Variants in OSBPL9 observed in about 807,000 individuals in gnomAD.
OSBPL9 encodes the protein oxysterol-binding protein-related protein 9.
Under a neutral mutation model 106.6 loss-of-function variants are expected in OSBPL9, and 40 were observed. The ratio of observed to expected loss-of-function variants is 0.38; its 90% CI spans 0.29 to 0.49. The LOEUF is 0.49. Ranked by LOEUF, OSBPL9 falls within the 20% of genes least tolerant of loss-of-function variation. The pLI is 0.97. For missense variants in OSBPL9, 609 were observed against 887.2 expected, an observed-to-expected ratio of 0.69 and a Z score of 3.98; for synonymous variants, 269 against 295.4, an observed-to-expected ratio of 0.91 and a Z score of 0.92.
In OSBPL9 at chr1:51,756,380, T is replaced by G. The variant is rs202168543; in HGVS notation, c.582+22T>G. 1.5e-3 allele frequency: 2,469 copies of G among 1,608,090 alleles called. 4 individuals are homozygous for G. Among genetic ancestry groups the G allele is most frequent in the Non-Finnish European group, 2.0e-3 (2,308 of 1,175,476 alleles). On this transcript the variant is annotated intron_variant, in intron 9 of 23. Transcript: ENST00000428468. Reference sequence around the variant, plus strand: ...GATAGTAAGTTTAATGTAATCTTTTTGTTTCCCTTTACTTCTGCAGAGCAT... The same window carrying G: ...GATAGTAAGTTTAATGTAATCTTTTGGTTTCCCTTTACTTCTGCAGAGCAT...
the OSBPL9 span, among the ~76,000 whole-genome samples, chr1:51,522,321 A>G: frequency 6.6e-6 from 1 of 152,216 alleles, no homozygotes; most frequent in African/African-American, 2.4e-5. Flanking sequence ...AAATCTTTAT[A>G]TGGGAATTGC....
intron 1 of OSBPL9, among the ~76,000 whole-genome samples, chr1:51,636,152 G>GTTT (rs35303378): frequency 1.4e-4 from 9 of 64,116 alleles, no homozygotes; most frequent in Admixed American, 3.4e-4. Flanking sequence ...TCTCTCTCTT[G>GTTT]TTTTTTTTTT....
At chr1:51,665,029 C>G (rs918483645) in intron 2 of OSBPL9, among the ~76,000 whole-genome samples, 1 of 152,192 alleles carries the variant, frequency 6.6e-6, no homozygotes, top group Non-Finnish European at 1.5e-5. Flanking sequence ...TCCAACAGAC[C>G]TTTCTGCAGT....
chr1:51,567,630 C>A, the OSBPL9 span: 1 of 152,208 alleles, frequency 6.6e-6, no homozygotes, highest in Non-Finnish European at 1.5e-5. Flanking sequence ...TCTAGATCTA[C>A]TTTTTAACCT....
chr1:51,755,250 G>C (rs577654706), intron 8 of OSBPL9, among the ~76,000 whole-genome samples: 1 of 152,138 alleles, frequency 6.6e-6, no homozygotes, highest in South Asian at 2.1e-4. Flanking sequence ...CCAATAAAGA[G>C]ATAAATAAAC....
chr1:51,765,252 C>A (rs907563030), intron 11 of OSBPL9, among the ~76,000 whole-genome samples: 6 of 152,100 alleles, frequency 3.9e-5, no homozygotes, highest in Non-Finnish European at 8.8e-5. Flanking sequence ...TCATCGTAGT[C>A]CTCTATTTTT....
intron 2 of OSBPL9, among the ~76,000 whole-genome samples, chr1:51,658,456 A>C (rs1467991365): frequency 6.6e-6 from 1 of 152,178 alleles, no homozygotes; most frequent in Non-Finnish European, 1.5e-5. Flanking sequence ...TCACCAAAGA[A>C]AAATGAATTA....
chr1:51,528,439 G>A, the OSBPL9 span, among the ~76,000 whole-genome samples: 1 of 152,080 alleles, frequency 6.6e-6, no homozygotes, highest in African/African-American at 2.4e-5. Flanking sequence ...AGCGACCTGG[G>A]AGGCTGAGGC....
At chr1:51,668,394 G>C (rs956505001) in intron 2 of OSBPL9, among the ~76,000 whole-genome samples, 5 of 152,192 alleles carry the variant, frequency 3.3e-5, no homozygotes, top group Non-Finnish European at 7.3e-5. Flanking sequence ...GACTGAGGCA[G>C]GCAGATCACT....
Position 51,781,195 on chromosome 1 carries a change from A to T in OSBPL9, c.1288A>T (p.Met430Leu). 1 of 1,614,086 alleles carries T rather than the reference A, an allele frequency of 6.2e-7. No homozygotes were observed. Reference protein sequence around the residue: ...ISDQKDPKDRMVQVVKWYLSA... With the variant: ...ISDQKDPKDRLVQVVKWYLSA... ...TGACCAGAAGGATCCCAAGGATCGAATGGTTCAGGTTGTGAAATGGTACCT... is the reference window on the plus strand; with the variant it reads ...TGACCAGAAGGATCCCAAGGATCGATTGGTTCAGGTTGTGAAATGGTACCT... The change falls in exon 16 of 24, where the codon ATG becomes TTG. Residue 430 changes from methionine to leucine, a missense_variant. By Grantham distance (15) the Met-to-Leu change is conservative. Transcript: ENST00000428468.
chr1:51,721,509 T>G (rs548718761), intron 4 of OSBPL9, among the ~76,000 whole-genome samples: 1 of 152,296 alleles, frequency 6.6e-6, no homozygotes, highest in African/African-American at 2.4e-5. Context: ...AAGGTACAAT[T>G]TAGGAGAGTT....
chr1:51,620,764 T>G (rs1002576884), intron 1 of OSBPL9, among the ~76,000 whole-genome samples: 2 of 152,210 alleles, frequency 1.3e-5, no homozygotes, highest in Non-Finnish European at 2.9e-5. Flanking sequence ...AATTTGAACT[T>G]TATCCCCAGG....
chr1:51,538,770 A>T, the OSBPL9 span: 3 of 152,110 alleles, frequency 2.0e-5, no homozygotes, highest in African/African-American at 7.2e-5. Flanking sequence ...TCTTACTTAG[A>T]CCACCCACTT....
At chr1:51,653,827 C>G (rs563489706) in intron 2 of OSBPL9, among the ~76,000 whole-genome samples, 2 of 152,162 alleles carry the variant, frequency 1.3e-5, no homozygotes, top group East Asian at 3.9e-4. Flanking sequence ...TAGTGAGATC[C>G]CCATCTCTAC....
chr1:51,755,881 C>G (rs1441797025), intron 8 of OSBPL9, among the ~76,000 whole-genome samples: 1 of 152,188 alleles, frequency 6.6e-6, no homozygotes, highest in African/African-American at 2.4e-5. Context: ...CAGCCCTTGG[C>G]AACTATTAAT....
At chr1:51,537,525 A>G in the OSBPL9 span, among the ~76,000 whole-genome samples, 3 of 152,138 alleles carry the variant, frequency 2.0e-5, no homozygotes, top group Non-Finnish European at 4.4e-5. Flanking sequence ...GCCAAAGGGG[A>G]AAAATAGTAA....
intron 4 of OSBPL9, 100 bp from the exon 5 acceptor site, chr1:51,745,436 A>G (rs1195727618): frequency 2.1e-5 from 32 of 1,496,300 alleles, no homozygotes; most frequent in Non-Finnish European, 2.9e-5. Flanking sequence ...ACTGTATTTT[A>G]AAAATTGAAA....
rs186998704 is a variant in OSBPL9, at chr1:51,737,264, A to G, written c.319-8272A>G. Among the ~76,000 whole-genome samples, 12 of 152,208 alleles carry G rather than the reference A, an allele frequency of 7.9e-5. No individual in the cohort carries two copies. The East Asian group carries it at 2.3e-3, about 29-fold the overall frequency. Reference sequence around the variant, plus strand: ...CTCCTGGAAAACATTTTATAATTTTATAGACAATTTCAAAAGAATAATGCT... The same window carrying G: ...CTCCTGGAAAACATTTTATAATTTTGTAGACAATTTCAAAAGAATAATGCT... On this transcript the variant is annotated intron_variant, in intron 4 of 23. Coordinates refer to ENST00000428468, the MANE Select transcript of OSBPL9 (RefSeq NM_024586.6).
At chr1:51,562,009 C>T in the OSBPL9 span, 1 of 152,174 alleles carries the variant, frequency 6.6e-6, no homozygotes, top group Non-Finnish European at 1.5e-5. Context: ...TTGGGATTTT[C>T]AATGATCCAA....
Sources: allele counts gnomAD v4.1 joint callset (sites outside exome capture counted in the v4.1 genomes callset), GRCh38; gene constraint gnomAD v4.1.1; transcripts MANE v1.5; gene names NCBI Gene and HGNC (gene_info 2026-07-23, HGNC 2026-07-21).